GRIK4: variants seen among roughly 807,000 people sequenced by gnomAD.
The protein encoded by GRIK4 is glutamate receptor ionotropic, kainate 4.
In GRIK4, 40 loss-of-function variants were observed where a neutral mutation model predicts 104.9. That is an observed-to-expected ratio of 0.38 (90% CI 0.30 to 0.50). GRIK4 has a LOEUF of 0.50. Among genes scored for constraint, GRIK4 ranks in the 20% least tolerant of loss-of-function variants. The pLI is 0.93. For synonymous variants in GRIK4, 485 were observed against 524.9 expected (o/e 0.92, Z 1.04); for missense variants, 1,047 against 1,308.1 (o/e 0.80, Z 3.08).
chr11:120,906,006 C>T (rs747972134), intron 13 of GRIK4, among the ~76,000 whole-genome samples: 32 of 152,136 alleles, frequency 2.1e-4, no homozygotes, highest in Non-Finnish European at 4.3e-4. Flanking sequence ...CTTTGGTTAG[C>T]GTTAATGTCC....
At chr11:120,529,563 G>C (rs1947901227) in intron 1 of GRIK4, among the ~76,000 whole-genome samples, 1 of 152,218 alleles carries the variant, frequency 6.6e-6, no homozygotes, top group Admixed American at 6.5e-5. Flanking sequence ...AGATGTCCTT[G>C]GATAGTCACA....
At chr11:120,822,232 A>AAAAAAAAAG (rs796180829) in intron 6 of GRIK4, among the ~76,000 whole-genome samples, 14 of 147,168 alleles carry the variant, frequency 9.5e-5, no homozygotes, top group African/African-American at 3.5e-4. Flanking sequence ...AAAAAAAAAA[A>AAAAAAAAAG]AAAGACAGTA....
At chr11:120,625,876 C>T (rs1187305892) in intron 1 of GRIK4, among the ~76,000 whole-genome samples, 4 of 151,730 alleles carry the variant, frequency 2.6e-5, no homozygotes, top group Non-Finnish European at 4.4e-5. Context: ...CACCCGTGCC[C>T]CACCTCAGGC....
At chr11:120,624,567 A>G (rs1949231755) in intron 1 of GRIK4, among the ~76,000 whole-genome samples, 2 of 152,128 alleles carry the variant, frequency 1.3e-5, no homozygotes, top group Admixed American at 1.3e-4. Context: ...CACCCTGCCC[A>G]GAGTCAGCTG....
chr11:120,732,935 T>C (rs3133853), intron 3 of GRIK4, among the ~76,000 whole-genome samples: 60,569 of 152,022 alleles, frequency 0.4, 13,010 homozygotes, highest in African/African-American at 0.55. Context: ...GAAAGTGGGG[T>C]GTTGAAATCT....
In GRIK4 at chr11:120,511,835, G is replaced by C; in HGVS notation, c.-211G>C. The C allele has an allele frequency of 2.8e-6, 1 of 354,506 alleles. No individual in the cohort carries two copies. Among genetic ancestry groups the C allele is most frequent in the South Asian group, 1.9e-5 (1 of 53,146 alleles). The allele number at this position is 354,506 out of a possible 1,614,324, so 22.0% of individuals were successfully genotyped here. A position where few individuals can be genotyped will look rare whatever the true frequency, so the allele number is the denominator to read the frequency against. On this transcript the variant is annotated 5_prime_UTR_variant, in exon 1 of 21. Transcript: ENST00000527524. The stretch of plus-strand genomic sequence containing the variant: ...AACGGCCAACAGCAGCCCCGCGGCC[G>C]GCCCGGCAGCGCCCGGCCCCCGGCT...
chr11:120,517,487 C>T (rs1947744574), intron 1 of GRIK4, among the ~76,000 whole-genome samples: 1 of 148,558 alleles, frequency 6.7e-6, no homozygotes, highest in Non-Finnish European at 1.5e-5. Context: ...GCAAACGGTG[C>T]CCCCGCCTGT....
At chr11:120,871,739 C>A (rs150942794) in intron 9 of GRIK4, 336 of 455,874 alleles carry the variant, frequency 7.4e-4, no homozygotes, top group African/African-American at 6.2e-3. Context: ...ATGGTAGTGG[C>A]TGAATAAAAG....
chr11:120,801,770 A>G (rs1033713733), intron 3 of GRIK4, among the ~76,000 whole-genome samples: 4 of 152,220 alleles, frequency 2.6e-5, no homozygotes, highest in African/African-American at 9.6e-5. Flanking sequence ...GAATCTCTAT[A>G]GCTAGATTTA....
chr11:120,947,867 G>T (rs1943900598), intron 14 of GRIK4, among the ~76,000 whole-genome samples: 1 of 152,140 alleles, frequency 6.6e-6, no homozygotes, highest in Non-Finnish European at 1.5e-5. Context: ...GCAAGTCCAG[G>T]TCAATGCCAG....
intron 9 of GRIK4, chr11:120,870,318 C>T (rs985705766): frequency 6.6e-6 from 1 of 152,172 alleles, no homozygotes; most frequent in Non-Finnish European, 1.5e-5. Context: ...GGTAGGCAGC[C>T]AATGGCTAAT....
At chr11:120,666,659 G>A (rs1450362973) in intron 3 of GRIK4, among the ~76,000 whole-genome samples, 1 of 152,184 alleles carries the variant, frequency 6.6e-6, no homozygotes, top group African/African-American at 2.4e-5. Flanking sequence ...TATCATTTTG[G>A]TATGTGGCTG....
intron 1 of GRIK4, among the ~76,000 whole-genome samples, chr11:120,593,029 A>C (rs552515166): frequency 2.6e-5 from 4 of 152,202 alleles, no homozygotes; most frequent in African/African-American, 9.6e-5. Context: ...CTAAAAATAC[A>C]AAAAATCAGC....
At chr11:120,813,344 A>G (rs936322954) in intron 4 of GRIK4, among the ~76,000 whole-genome samples, 3 of 152,144 alleles carry the variant, frequency 2.0e-5, no homozygotes, top group Non-Finnish European at 4.4e-5. Context: ...CACTCCCCCA[A>G]GGCAGTTGTA....
chr11:120,909,911 G>A (rs1225319992), intron 13 of GRIK4, among the ~76,000 whole-genome samples: 1 of 152,166 alleles, frequency 6.6e-6, no homozygotes, highest in African/African-American at 2.4e-5. Flanking sequence ...TTCACATGTT[G>A]GAAGCTTAAT....
intron 3 of GRIK4, among the ~76,000 whole-genome samples, chr11:120,762,829 A>T (rs1300687824): frequency 6.6e-6 from 1 of 152,064 alleles, no homozygotes; most frequent in African/African-American, 2.4e-5. Context: ...GTGCTGCTGG[A>T]TTTGGTTCGT....
At chr11:120,890,038 G>C (rs552343058) in intron 11 of GRIK4, among the ~76,000 whole-genome samples, 3 of 152,182 alleles carry the variant, frequency 2.0e-5, no homozygotes, top group South Asian at 4.1e-4. Context: ...AGACCATGTA[G>C]TAAGTTGGAG....
intron 11 of GRIK4, among the ~76,000 whole-genome samples, chr11:120,892,231 GA>G (rs1955323037): frequency 6.6e-6 from 1 of 152,170 alleles, no homozygotes; most frequent in Non-Finnish European, 1.5e-5. Context: ...AAGCTGGACC[GA>G]AGAGCATGAG....
chr11:120,517,482 C>T (rs928245155), intron 1 of GRIK4, among the ~76,000 whole-genome samples: 2 of 148,406 alleles, frequency 1.3e-5, no homozygotes, highest in Admixed American at 6.6e-5. Flanking sequence ...CTGAGGCAAA[C>T]GGTGCCCCCG....
Sources: gnomAD v4.1 joint callset for allele counts (sites outside exome capture counted in the v4.1 genomes callset) on GRCh38, gnomAD v4.1.1 for gene constraint, MANE v1.5 for transcripts, NCBI Gene and HGNC (gene_info 2026-07-23, HGNC 2026-07-21) for gene names.